Variants in TTN observed in about 807,000 individuals in gnomAD.
The protein encoded by TTN is connectin.
Under a neutral mutation model 3,223.0 loss-of-function variants are expected in TTN, and 1,525 were observed. The observed-to-expected ratio is 0.47, with a 90% confidence interval of 0.45 to 0.49. TTN has a LOEUF of 0.49. Ranked by LOEUF, TTN falls within the 20% of genes least tolerant of loss-of-function variation. The pLI is 0.00. For missense variants in TTN, 40,786 were observed against 43,424.0 expected, an observed-to-expected ratio of 0.94 and a Z score of 5.40; for synonymous variants, 14,094 against 15,161.0, an observed-to-expected ratio of 0.93 and a Z score of 5.17.
At position 178,580,576 on chromosome 2, in the gene TTN, C is replaced by T; in HGVS notation, c.66803G>A (p.Arg22268Lys). ...PPEGELDADL[R>K]KTLILRAGVT... is the part of the protein sequence containing the mutation. ...TCCAGCACGTAATATGAGTGTCTTC[C>T]TTAAGTCCGCATCAAGTTCTCCCTC... is the stretch of plus-strand genomic sequence containing the variant. Residue 22268 changes from arginine (R) to lysine (K), a missense_variant, in exon 317 of 363, where the codon AGG becomes AAG. Arg to Lys is a conservative substitution (Grantham distance 26). Transcript: ENST00000589042. 1 of 1,611,540 alleles carries T rather than the reference C, an allele frequency of 6.2e-7. No homozygotes were observed. Among genetic ancestry groups the T allele is most frequent in the South Asian group, 1.1e-5 (1 of 90,448 alleles).
rs2092651981 is a variant in TTN at position 178,780,311 on chromosome 2, A to G, written c.3524-106T>C. 2.8e-6 allele frequency: 3 copies of G among 1,053,038 alleles called. No homozygotes were observed. In the South Asian group the frequency reaches 4.1e-5, roughly 14 times the overall value. 65.2% of individuals were successfully genotyped at this position (1,053,038 alleles called of 1,614,324 possible). ...CACTGGGGAAAGTTGATAACCAAAA[A>G]CCAAATTTTCCAAATATCTACTATT... On this transcript the variant is annotated intron_variant, in intron 21 of 362. Coordinates refer to ENST00000589042, the MANE Select transcript of TTN (RefSeq NM_001267550.2).
chr2:178,776,128 G>A lies in TTN; in HGVS notation c.5736C>T (p.Val1912=). 6.2e-7 allele frequency: 1 copy of A among 1,614,094 alleles called. No individual in the cohort carries two copies. The highest frequency in any genetic ancestry group is 8.5e-7 in the Non-Finnish European group (1 of 1,179,996). Residue 1912 remains valine, a synonymous_variant, in exon 28 of 363, where the codon GTC becomes GTT. Coordinates refer to ENST00000589042, the MANE Select transcript of TTN (RefSeq NM_001267550.2). ...CKSYDTGEVK[V]TAENPEGVIE... ...TCACACCTTCAGGATTTTCCGCGGT[G>A]ACCTTCACTTCACCTGTGTCATATG...
Position 178,790,792 on chromosome 2 carries a change from T to C in TTN, c.1716A>G (p.Ala572=). ...TAASMVVVAT[A]KSTKLETVPG... ...GGACTGTTTCTAGTTTTGTGGACTT[T>C]GCAGTGGCAACTACCACCATGGATG... Residue 572 remains alanine, a synonymous_variant, in exon 11 of 363, where the codon GCA becomes GCG. Coordinates refer to ENST00000589042, the MANE Select transcript of TTN (RefSeq NM_001267550.2). The C allele has an allele frequency of 6.2e-7, 1 of 1,614,188 alleles. No individual in the cohort carries two copies. The highest frequency in any genetic ancestry group is 1.7e-5 in the Admixed American group (1 of 60,032).
chr2:178,788,808 T>C (rs895363516), intron 13 of TTN, among the ~76,000 whole-genome samples: 1 of 152,114 alleles, frequency 6.6e-6, no homozygotes, highest in African/African-American at 2.4e-5. Context: ...GCATCTTGTT[T>C]AGCTTTAGTG....
intron 41 of TTN, 151 bp downstream of exon 41, chr2:178,766,230 T>C (rs2090381024): frequency 1.8e-5 from 12 of 676,282 alleles, no homozygotes; most frequent in Non-Finnish European, 3.1e-5. Context: ...CCCTTTTCCA[T>C]AGATATAATG....
rs794729525 is a variant in TTN, at chr2:178,554,039, G to T, written c.89072C>A (p.Thr29691Asn). The T allele has an allele frequency of 1.1e-5, 18 of 1,613,620 alleles. No homozygotes were observed. Among genetic ancestry groups the T allele is most frequent in the Non-Finnish European group, 1.5e-5 (18 of 1,179,812 alleles). Reference sequence around the variant, plus strand: ...TGTGAGTCCTGTTACTTTTTGTCTGGTGTCACGGATAGTCTCTTTTAGTAC... The same window carrying T: ...TGTGAGTCCTGTTACTTTTTGTCTGTTGTCACGGATAGTCTCTTTTAGTAC... ...FKVLKETIRD[T>N]RQKVTGLTEN... The change falls in exon 333 of 363, where the codon ACC becomes AAC. Residue 29691 changes from threonine (T) to asparagine (N), a missense_variant. Thr to Asn is a moderately conservative substitution (Grantham distance 65, BLOSUM62 0). Transcript: ENST00000589042.
chr2:178,718,579 C>G lies in TTN; in HGVS notation c.24527G>C (p.Arg8176Thr). Reference protein sequence around the residue: ...FVKEPATFVKRLADFSVETGS... With the variant: ...FVKEPATFVKTLADFSVETGS... ...TGTCTCAACACTGAAATCAGCCAAT[C>G]TTTTCACAAAGGTGGCTGGTTCTAT... The change falls in exon 85 of 363, where the codon AGA becomes ACA. Residue 8176 changes from arginine (R) to threonine (T), a missense_variant. By Grantham distance (71) the Arg-to-Thr change is moderately conservative. Transcript: ENST00000589042. 6.2e-7 allele frequency: 1 copy of G among 1,612,498 alleles called. No individual in the cohort carries two copies. Among genetic ancestry groups the G allele is most frequent in the Non-Finnish European group, 8.5e-7 (1 of 1,178,886 alleles).
Position 178,764,147 on chromosome 2 carries a change from G to A in TTN, c.10114+30C>T, listed in dbSNP as rs751973258. ...TCCCATGTAATTATTTGTAAGTATT[G>A]GCAATGACACCTTTTGTTCTTAAAC... On this transcript the variant is annotated intron_variant, in intron 43 of 362. Coordinates refer to ENST00000589042, the MANE Select transcript of TTN (RefSeq NM_001267550.2). The A allele has an allele frequency of 3.1e-6, 5 of 1,613,974 alleles. No individual in the cohort carries two copies. In the South Asian group the frequency reaches 5.5e-5, roughly 18 times the overall value.
chr2:178,559,227 G>A, intron 326 of TTN, 84 bp downstream of exon 326: 6 of 1,294,308 alleles, frequency 4.6e-6, no homozygotes, highest in Non-Finnish European at 6.4e-6. Context: ...CATTTAAGAT[G>A]AAATAACGAC....
In TTN at chr2:178,759,058, T is replaced by A. The variant is rs1436088108; in HGVS notation, c.10229A>T (p.Asp3410Val). 6.2e-7 allele frequency: 1 copy of A among 1,613,960 alleles called. No individual in the cohort carries two copies. The highest frequency in any genetic ancestry group is 8.5e-7 in the Non-Finnish European group (1 of 1,179,974). ...QLEIAEAYPEDEGTYTFVASN... is the reference protein window; with the variant it reads ...QLEIAEAYPEVEGTYTFVASN... ...AGCAACAAACGTGTAAGTTCCTTCA[T>A]CTTCTGGATAAGCTTCGGCAATTTC... Residue 3410 changes from aspartate to valine, a missense_variant, in exon 44 of 363, where the codon GAT (aspartate) becomes GTT (valine). Asp to Val is a radical substitution (Grantham distance 152). Coordinates refer to ENST00000589042, the MANE Select transcript of TTN (RefSeq NM_001267550.2).
rs371317962 is a variant in TTN, at chr2:178,663,819, C to A, written c.36448G>T (p.Val12150Leu). The change falls in exon 170 of 363, where the codon GTA becomes TTA. Residue 12150 changes from valine to leucine, a missense_variant and splice_region_variant. Physicochemically the swap from Val to Leu is conservative, Grantham distance 32. Transcript: ENST00000589042. The stretch of plus-strand genomic sequence containing the variant: ...GAAGCCTAAGGTCAGTGGCAACTAC[C>A]TTTAACAGGTGGGACTTCAGGCTCT... ...PKEPEVPPVK[V>L]PEPPKEVVPE... 84 of 1,613,510 alleles carry A rather than the reference C, an allele frequency of 5.2e-5. No individual in the cohort carries two copies. Among genetic ancestry groups the A allele is most frequent in the Non-Finnish European group, 7.1e-5 (84 of 1,179,790 alleles).
chr2:178,650,130 T>C (rs1431816443), intron 210 of TTN, 34 bp downstream of exon 210: 1 of 1,523,140 alleles, frequency 6.6e-7, no homozygotes, highest in Middle Eastern at 1.7e-4. Context: ...ATGAAATGAC[T>C]GTATTTTCCC....
At chr2:178,610,726 G>A (rs538556750) in intron 270 of TTN, among the ~76,000 whole-genome samples, 1 of 152,068 alleles carries the variant, frequency 6.6e-6, no homozygotes, top group East Asian at 2.0e-4. Flanking sequence ...TCATTTCAAT[G>A]CTCTTTGGGT....
chr2:178,721,483 CTA>C (rs2078356056), intron 78 of TTN, among the ~76,000 whole-genome samples: 1 of 150,752 alleles, frequency 6.6e-6, no homozygotes, highest in Non-Finnish European at 1.5e-5. Flanking sequence ...TTTAGTTTGA[CTA>C]TGTAAGTTAA....
In TTN at chr2:178,774,481, G is replaced by A. The variant is rs1254539215; in HGVS notation, c.6791-8C>T. 2.5e-6 allele frequency: 4 copies of A among 1,611,032 alleles called. No homozygotes were observed. Among genetic ancestry groups the A allele is most frequent in the Admixed American group, 1.7e-5 (1 of 59,958 alleles). ...CAAACTCAACAACTGCACCTGAAGTGTATAACAGAAAGATAAATCAATTTT... is the reference window on the plus strand; with the variant it reads ...CAAACTCAACAACTGCACCTGAAGTATATAACAGAAAGATAAATCAATTTT... On this transcript the variant is annotated splice_region_variant and splice_polypyrimidine_tract_variant and intron_variant, in intron 29 of 362. Transcript: ENST00000589042.
At chr2:178,646,653 A>G in intron 215 of TTN, 94 bp from the exon 216 acceptor site, 1 of 697,312 alleles carries the variant, frequency 1.4e-6, no homozygotes, top group Non-Finnish European at 2.4e-6. Flanking sequence ...GATTACAGTC[A>G]CAAAATAAAA....
intron 34 of TTN, 35 bp downstream of exon 34, chr2:178,771,176 T>C (rs371265732): frequency 2.4e-5 from 38 of 1,613,156 alleles, no homozygotes; most frequent in Non-Finnish European, 2.9e-5. Flanking sequence ...AAGATTGTAA[T>C]ATGATTTGAA....
chr2:178,679,729 T>G (rs1318708892), intron 140 of TTN, 47 bp from the exon 141 acceptor site: 5 of 1,566,896 alleles, frequency 3.2e-6, no homozygotes, highest in East Asian at 2.3e-5. Context: ...AGGAAAGAAA[T>G]AAAATGTGAA....
chr2:178,538,560 G>C lies in TTN; in HGVS notation c.99269C>G (p.Ser33090Cys). 1 of 1,612,584 alleles carries C rather than the reference G, an allele frequency of 6.2e-7. No homozygotes were observed. The highest frequency in any genetic ancestry group is 8.5e-7 in the Non-Finnish European group (1 of 1,179,228). Residue 33090 changes from serine (S) to cysteine (C), a missense_variant, in exon 354 of 363, where the codon TCT (serine) becomes TGT (cysteine). By Grantham distance (112) the Ser-to-Cys change is moderately radical (BLOSUM62 -1). Coordinates refer to ENST00000589042, the MANE Select transcript of TTN (RefSeq NM_001267550.2). ...GLSRPRRTAM[S>C]IKTKLTSGEA... Reference sequence around the variant, plus strand: ...CTTACATGTGAGTTTAGTCTTTATAGACATAGCAGTTCTGCGAGGTCTGCT... The same window carrying C: ...CTTACATGTGAGTTTAGTCTTTATACACATAGCAGTTCTGCGAGGTCTGCT...
Sources: gnomAD v4.1 joint callset for allele counts (sites outside exome capture counted in the v4.1 genomes callset) on GRCh38, gnomAD v4.1.1 for gene constraint, MANE v1.5 for transcripts, NCBI Gene and HGNC (gene_info 2026-07-23, HGNC 2026-07-21) for gene names.